BIN3: variants seen among roughly 807,000 people sequenced by gnomAD.
The protein encoded by BIN3 is bridging integrator 3.
In BIN3, 41 loss-of-function variants were observed where a neutral mutation model predicts 38.2. That is an observed-to-expected ratio of 1.07 (90% confidence interval 0.84 to 1.39). The LOEUF (loss-of-function observed/expected upper bound fraction) is 1.39. Ranked by LOEUF, BIN3 falls within the 40% of genes most tolerant of loss-of-function variation. BIN3 has a pLI of 0.00. For synonymous variants in BIN3, 145 were observed against 122.6 expected, an observed-to-expected ratio of 1.18 and a Z score of -1.21; for missense variants, 361 against 324.3, an observed-to-expected ratio of 1.11 and a Z score of -0.87.
intron 1 of BIN3, among the ~76,000 whole-genome samples, chr8:22,662,359 G>A (rs1304035901): frequency 1.3e-5 from 2 of 152,236 alleles, no homozygotes; most frequent in Non-Finnish European, 2.9e-5. Flanking sequence ...CTGCCAGTCT[G>A]ATGGCTGTGA....
rs949672637 is a variant in BIN3 at position 22,639,027 on chromosome 8, TAAAGGAACGGA to T, written c.58-2076_58-2066del. Among the ~76,000 whole-genome samples the T allele has an allele frequency of 1.4e-4, 22 of 152,356 alleles. 1 individual carries two copies. The Middle Eastern group carries it at 0.024, about 165-fold the overall frequency. ...AGTTTGCAGGAACCAAAGTCTTAGC[TAAAGGAACGGA>T]AAGACTCTGGTGTAACTGCAGGTGG... On this transcript the variant is annotated intron_variant, in intron 2 of 8. Transcript: ENST00000276416.
At chr8:22,659,480 C>T (rs1279404712) in intron 1 of BIN3, among the ~76,000 whole-genome samples, 1 of 152,228 alleles carries the variant, frequency 6.6e-6, no homozygotes. Context: ...ACAGGCTGAC[C>T]TCTGAAAAGT....
chr8:22,649,850 C>CACACAT (rs1554571391), intron 1 of BIN3, among the ~76,000 whole-genome samples: 12,117 of 120,518 alleles, frequency 0.1, 753 homozygotes, highest in Non-Finnish European at 0.13. Flanking sequence ...CACACACACA[C>CACACAT]ACACACACCC....
intron 6 of BIN3, chr8:22,629,747 G>T: frequency 3.4e-6 from 2 of 588,312 alleles, no homozygotes; most frequent in Non-Finnish European, 3.0e-6. Context: ...GGTGGCAGGG[G>T]TACCCTGAGC....
chr8:22,645,533 G>GAGGAA (rs558794584), intron 1 of BIN3, among the ~76,000 whole-genome samples: 145 of 151,060 alleles, frequency 9.6e-4, no homozygotes, highest in Admixed American at 1.9e-3. Context: ...AGGGGAGGGG[G>GAGGAA]AGGAAAGGAA....
At chr8:22,636,138 G>C (rs191362255) in intron 4 of BIN3, among the ~76,000 whole-genome samples, 1 of 152,302 alleles carries the variant, frequency 6.6e-6, no homozygotes, top group East Asian at 1.9e-4. Flanking sequence ...GTTGCCACTG[G>C]AGCGCCTGTC....
At chr8:22,639,551 G>A (rs557157481) in intron 2 of BIN3, among the ~76,000 whole-genome samples, 12 of 152,166 alleles carry the variant, frequency 7.9e-5, no homozygotes, top group Non-Finnish European at 1.2e-4. Context: ...TGGCTTACGA[G>A]GAAATAGCTG....
At chr8:22,667,683 G>T (rs1803466591) in intron 1 of BIN3, among the ~76,000 whole-genome samples, 2 of 152,292 alleles carry the variant, frequency 1.3e-5, no homozygotes, top group South Asian at 4.1e-4. Flanking sequence ...GCCCCTTATT[G>T]GCCTCCTGGA....
chr8:22,631,272 G>C (rs1160545078), intron 4 of BIN3, among the ~76,000 whole-genome samples: 3 of 152,160 alleles, frequency 2.0e-5, no homozygotes, highest in African/African-American at 4.8e-5. Flanking sequence ...GACTCGCCCA[G>C]ACACACACTG....
chr8:22,623,810 CCT>C (rs1801918573), intron 8 of BIN3, 103 bp downstream of exon 8: 7 of 1,399,218 alleles, frequency 5.0e-6, no homozygotes, highest in South Asian at 1.4e-5. Context: ...GGGTGGGTGC[CCT>C]GTCTTTACGG....
At position 22,621,559 on chromosome 8, in the gene BIN3, A is replaced by G. The variant is rs758029288; in HGVS notation, c.625T>C (p.Tyr209His). 2 of 1,613,662 alleles carry G rather than the reference A, an allele frequency of 1.2e-6. No homozygotes were observed. The highest frequency in any genetic ancestry group is 3.3e-5 in the Admixed American group (2 of 60,012). Residue 209 changes from tyrosine to histidine, a missense_variant, in exon 9 of 9, where the codon TAC becomes CAC. Coordinates refer to ENST00000276416, the MANE Select transcript of BIN3 (RefSeq NM_018688.6). Reference sequence around the variant, plus strand: ...CCAAAGATCTTGTGCATTTCCGAGTAGTACACAACCTGGGGGAGGCGACAG... The same window carrying G: ...CCAAAGATCTTGTGCATTTCCGAGTGGTACACAACCTGGGGGAGGCGACAG... Reference protein sequence around the residue: ...ESLIRAQVVYYSEMHKIFGDL... With the variant: ...ESLIRAQVVYHSEMHKIFGDL...
intron 1 of BIN3, among the ~76,000 whole-genome samples, chr8:22,657,551 G>A (rs1047187713): frequency 6.6e-6 from 1 of 152,246 alleles, no homozygotes; most frequent in Admixed American, 6.5e-5. Flanking sequence ...TATATGAAAG[G>A]AGAAGAGGCT....
intron 1 of BIN3, among the ~76,000 whole-genome samples, chr8:22,653,372 T>A (rs1451896780): frequency 2.6e-5 from 4 of 152,262 alleles, no homozygotes; most frequent in African/African-American, 9.6e-5. Context: ...AATGTTTTGT[T>A]ATGCTTTGCT....
rs563678559 is a variant in BIN3 at position 22,656,237 on chromosome 8, T to G, written c.9-11434A>C. Among the ~76,000 whole-genome samples the G allele has an allele frequency of 3.2e-3, 482 of 151,750 alleles. 4 individuals carry two copies. Among genetic ancestry groups the G allele is most frequent in the African/African-American group, 0.011 (463 of 41,402 alleles). ...TGGTCTTAAGGGTTTTTTTTTTTTT[T>G]TTCATATCCATCTCCTCTACATTTA... On this transcript the variant is annotated intron_variant, in intron 1 of 8. Coordinates refer to ENST00000276416, the MANE Select transcript of BIN3 (RefSeq NM_018688.6).
chr8:22,635,428 C>T (rs1802336460), intron 4 of BIN3, among the ~76,000 whole-genome samples: 1 of 152,056 alleles, frequency 6.6e-6, no homozygotes, highest in Non-Finnish European at 1.5e-5. Context: ...CTGGCCATAC[C>T]CAAGTCTCTT....
chr8:22,623,811 C>G (rs1801918521), intron 8 of BIN3, 104 bp downstream of exon 8: 2 of 1,406,096 alleles, frequency 1.4e-6, no homozygotes, highest in Admixed American at 4.7e-5. Context: ...GGTGGGTGCC[C>G]TGTCTTTACG....
intron 1 of BIN3, among the ~76,000 whole-genome samples, chr8:22,660,077 G>A (rs563565349): frequency 3.9e-4 from 60 of 152,286 alleles, no homozygotes; most frequent in African/African-American, 1.4e-3. Context: ...CAAGTGATAA[G>A]TCTGCCTAAA....
intron 4 of BIN3, among the ~76,000 whole-genome samples, chr8:22,632,029 G>C (rs1248103248): frequency 6.6e-6 from 1 of 152,226 alleles, no homozygotes; most frequent in Non-Finnish European, 1.5e-5. Flanking sequence ...CATTGTGAAT[G>C]CATTTCTTAC....
intron 2 of BIN3, among the ~76,000 whole-genome samples, chr8:22,642,152 G>T (rs950640195): frequency 6.6e-6 from 1 of 152,158 alleles, no homozygotes; most frequent in African/African-American, 2.4e-5. Context: ...GAAACTCCCT[G>T]AAGATAACGT....
Sources: gnomAD v4.1 joint callset for allele counts (sites outside exome capture counted in the v4.1 genomes callset) on GRCh38, gnomAD v4.1.1 for gene constraint, MANE v1.5 for transcripts, NCBI Gene and HGNC (gene_info 2026-07-23, HGNC 2026-07-21) for gene names.